Variants in PPP1R9A observed in about 807,000 individuals in gnomAD.
PPP1R9A encodes the protein protein phosphatase 1 regulatory subunit 9A.
In PPP1R9A, 59 loss-of-function variants were observed where a neutral mutation model predicts 141.9. The ratio of observed to expected loss-of-function variants is 0.42; its 90% CI spans 0.34 to 0.52. The LOEUF (loss-of-function observed/expected upper bound fraction) is 0.52, where lower values mean the gene tolerates loss of function less well. PPP1R9A is among the 20% of genes least tolerant of loss of function. The pLI, the probability that PPP1R9A is intolerant of heterozygous loss-of-function variation, is 0.10. For synonymous variants in PPP1R9A, 500 were observed against 569.7 expected (o/e 0.88, Z 1.74); for missense variants, 1,444 against 1,611.9 (o/e 0.90, Z 1.78).
In PPP1R9A at chr7:95,032,440, AGG is replaced by A. The variant is rs1454385923; in HGVS notation, c.1396-78817_1396-78816del. On this transcript the variant is annotated intron_variant, in intron 2 of 19. Coordinates refer to ENST00000433360, the MANE Select transcript of PPP1R9A (RefSeq NM_001166160.2). ...TCAGGAAGATTTACTCATCAAACTAAGGGTAGGAATAGTAAAACTAATTGAAT... is the reference window on the plus strand; with the variant it reads ...TCAGGAAGATTTACTCATCAAACTAAGTAGGAATAGTAAAACTAATTGAAT... Among the ~76,000 whole-genome samples the A allele has an allele frequency of 3.9e-5, 6 of 152,264 alleles. No individual in the cohort carries two copies. In the South Asian group the frequency reaches 6.2e-4, roughly 16 times the overall value.
At chr7:95,119,953 C>CTTTTTT in intron 3 of PPP1R9A, among the ~76,000 whole-genome samples, 1 of 86,182 alleles carries the variant, frequency 1.2e-5, no homozygotes, top group Non-Finnish European at 2.3e-5. Flanking sequence ...AATATACTAT[C>CTTTTTT]TTTTTTTTTT....
chr7:94,932,670 A>G (rs1794296693), intron 2 of PPP1R9A, among the ~76,000 whole-genome samples: 1 of 152,026 alleles, frequency 6.6e-6, no homozygotes, highest in South Asian at 2.1e-4. Context: ...TAAATTAACT[A>G]CCTGCTCTAC....
At chr7:95,072,140 C>A (rs921988052) in intron 2 of PPP1R9A, among the ~76,000 whole-genome samples, 3 of 149,960 alleles carry the variant, frequency 2.0e-5, no homozygotes, top group African/African-American at 7.3e-5. Context: ...ATATATTAAC[C>A]AAACTTCTCT....
At chr7:95,019,928 A>C (rs1250363480) in intron 2 of PPP1R9A, among the ~76,000 whole-genome samples, 3 of 152,164 alleles carry the variant, frequency 2.0e-5, no homozygotes, top group Non-Finnish European at 4.4e-5. Context: ...TTTCATTTGC[A>C]ATAGCCAAAA....
At chr7:94,928,964 A>G (rs1037256487) in intron 2 of PPP1R9A, among the ~76,000 whole-genome samples, 3 of 152,208 alleles carry the variant, frequency 2.0e-5, no homozygotes, top group African/African-American at 7.2e-5. Flanking sequence ...CAGGAAAGAT[A>G]CTGTGGATCA....
At chr7:95,124,519 C>T (rs1307837851) in intron 4 of PPP1R9A, among the ~76,000 whole-genome samples, 1 of 151,876 alleles carries the variant, frequency 6.6e-6, no homozygotes, top group Admixed American at 6.6e-5. Context: ...AGAATATATA[C>T]CACTTGTGTA....
chr7:95,075,224 T>C (rs1300367574), intron 2 of PPP1R9A, among the ~76,000 whole-genome samples: 1 of 152,212 alleles, frequency 6.6e-6, no homozygotes, highest in Admixed American at 6.5e-5. Context: ...TTCTGAGTAT[T>C]ATGTCATTCT....
intron 2 of PPP1R9A, among the ~76,000 whole-genome samples, chr7:94,973,051 C>CG (rs71125096): frequency 0.091 from 13,893 of 152,174 alleles, 704 homozygotes; most frequent in East Asian, 0.15. Flanking sequence ...GAAATTACTT[C>CG]GTACTTTTCC....
At chr7:95,147,247 C>G (rs1010342258) in intron 4 of PPP1R9A, among the ~76,000 whole-genome samples, 3 of 152,114 alleles carry the variant, frequency 2.0e-5, no homozygotes, top group African/African-American at 7.2e-5. Context: ...ATTTTATTCT[C>G]CTTGTAGCAA....
intron 2 of PPP1R9A, among the ~76,000 whole-genome samples, chr7:95,034,545 G>T (rs1408755154): frequency 1.3e-5 from 2 of 151,950 alleles, no homozygotes. Context: ...TAGACACAGG[G>T]TTTCACCACG....
At chr7:95,065,442 T>C (rs905606660) in intron 2 of PPP1R9A, among the ~76,000 whole-genome samples, 2 of 152,218 alleles carry the variant, frequency 1.3e-5, no homozygotes, top group African/African-American at 2.4e-5. Flanking sequence ...ATTCTAGATA[T>C]ATACATCTTA....
At chr7:95,176,966 T>G (rs755560605) in intron 5 of PPP1R9A, among the ~76,000 whole-genome samples, 2 of 152,122 alleles carry the variant, frequency 1.3e-5, no homozygotes, top group Admixed American at 6.6e-5. Flanking sequence ...TGAGGAAAAC[T>G]TCCCAGGCCT....
chr7:95,263,541 A>C (rs994958169), intron 12 of PPP1R9A, among the ~76,000 whole-genome samples: 4 of 151,838 alleles, frequency 2.6e-5, no homozygotes, highest in Non-Finnish European at 1.5e-5. Flanking sequence ...CAAGTGATTC[A>C]CCTGCCTGAG....
intron 2 of PPP1R9A, among the ~76,000 whole-genome samples, chr7:94,944,945 G>A (rs1349099647): frequency 6.6e-6 from 1 of 152,016 alleles, no homozygotes; most frequent in African/African-American, 2.4e-5. Context: ...GACGTATAAT[G>A]TCTGTGTTTG....
chr7:95,028,325 A>G (rs1807184302), intron 2 of PPP1R9A, among the ~76,000 whole-genome samples: 1 of 152,204 alleles, frequency 6.6e-6, no homozygotes, highest in Non-Finnish European at 1.5e-5. Context: ...TCAGCCTAGA[A>G]TAACTGATAT....
intron 5 of PPP1R9A, among the ~76,000 whole-genome samples, chr7:95,186,262 G>A (rs975359396): frequency 6.7e-6 from 1 of 149,738 alleles, no homozygotes; most frequent in African/African-American, 2.4e-5. Context: ...TATTTTTTTA[G>A]GAGGGTGAGG....
At chr7:95,117,842 A>T (rs987280331) in intron 3 of PPP1R9A, among the ~76,000 whole-genome samples, 7 of 152,168 alleles carry the variant, frequency 4.6e-5, no homozygotes, top group African/African-American at 1.7e-4. Flanking sequence ...ACTAATACAT[A>T]TATACACCAG....
At chr7:94,965,539 G>A (rs1053514751) in intron 2 of PPP1R9A, among the ~76,000 whole-genome samples, 1 of 152,016 alleles carries the variant, frequency 6.6e-6, no homozygotes, top group African/African-American at 2.4e-5. Flanking sequence ...TCTGCTTATG[G>A]CTAGCCAGTT....
chr7:94,943,566 C>A (rs1795566576), intron 2 of PPP1R9A, among the ~76,000 whole-genome samples: 1 of 152,080 alleles, frequency 6.6e-6, no homozygotes, highest in Non-Finnish European at 1.5e-5. Flanking sequence ...CCTTCCCAGG[C>A]AAATTTTATA....
Sources: gnomAD v4.1 joint callset for allele counts (sites outside exome capture counted in the v4.1 genomes callset) on GRCh38, gnomAD v4.1.1 for gene constraint, MANE v1.5 for transcripts, NCBI Gene and HGNC (gene_info 2026-07-23, HGNC 2026-07-21) for gene names.